The following TENM4 variants were observed in gnomAD, a reference collection of about 807,000 sequenced individuals.
TENM4 encodes the protein teneurin transmembrane protein 4.
Under a neutral mutation model 243.3 loss-of-function variants are expected in TENM4, and 82 were observed. The observed-to-expected ratio is 0.34, with a 90% CI of 0.28 to 0.40. The LOEUF is 0.40. Ranked by LOEUF, TENM4 falls within the 10% of genes least tolerant of loss-of-function variation. The probability of loss-of-function intolerance (pLI) is 1.00; values close to 1 mark genes in which losing one functional copy is unlikely to be tolerated. For synonymous variants in TENM4, 1,412 were observed against 1,456.3 expected, an observed-to-expected ratio of 0.97 and a Z score of 0.69; for missense variants, 3,138 against 3,673.3, an observed-to-expected ratio of 0.85 and a Z score of 3.77.
At chr11:79,324,176 T>C (rs1313557401) in intron 1 of TENM4, among the ~76,000 whole-genome samples, 1 of 152,214 alleles carries the variant, frequency 6.6e-6, no homozygotes, top group Admixed American at 6.5e-5. Flanking sequence ...TTACTCATTA[T>C]TTTTATTGTT....
chr11:79,018,212 T>G (rs947200107), intron 6 of TENM4, among the ~76,000 whole-genome samples: 2 of 152,216 alleles, frequency 1.3e-5, no homozygotes, highest in Admixed American at 6.5e-5. Context: ...TGGCCCAGGA[T>G]GATACTGGTT....
intron 4 of TENM4, among the ~76,000 whole-genome samples, chr11:79,110,177 A>G (rs1421417105): frequency 6.6e-6 from 1 of 152,080 alleles, no homozygotes; most frequent in Non-Finnish European, 1.5e-5. Flanking sequence ...CATAACACAG[A>G]CTGCCGCCCA....
rs757506241 is a variant in TENM4, at chr11:78,732,507, C to T, written c.2947G>A (p.Glu983Lys). Residue 983 changes from glutamate to lysine, a missense_variant, in exon 21 of 34, where the codon GAG (glutamate) becomes AAG (lysine). Physicochemically the swap from Glu to Lys is moderately conservative, Grantham distance 56. Transcript: ENST00000278550. ...RFERAPFITQ[E>K]HTLWLPWDRF... ...TCCCATGGCAGCCACAGGGTGTGCT[C>T]CTGTGTGATGAAAGGTGCCCGCTCG... The T allele has an allele frequency of 1.2e-6, 2 of 1,613,556 alleles. No individual in the cohort carries two copies. Among genetic ancestry groups the T allele is most frequent in the South Asian group, 1.1e-5 (1 of 90,984 alleles).
At chr11:79,237,164 A>C (rs576878499) in intron 2 of TENM4, among the ~76,000 whole-genome samples, 1 of 151,638 alleles carries the variant, frequency 6.6e-6, no homozygotes, top group Non-Finnish European at 1.5e-5. Context: ...CCAAAACTGT[A>C]AGCTCCTTAA....
At chr11:79,369,748 C>T (rs886370662) in intron 1 of TENM4, among the ~76,000 whole-genome samples, 22 of 152,178 alleles carry the variant, frequency 1.4e-4, no homozygotes, top group African/African-American at 5.1e-4. Flanking sequence ...GACCTTAGCC[C>T]ATATCCTTCC....
intron 30 of TENM4, among the ~76,000 whole-genome samples, chr11:78,673,427 G>A (rs1006856681): frequency 8.5e-5 from 13 of 152,180 alleles, no homozygotes; most frequent in Admixed American, 7.9e-4. Context: ...GACCCAAGAG[G>A]AAAGCAGATA....
chr11:78,874,103 T>C (rs1859204867), intron 9 of TENM4, among the ~76,000 whole-genome samples: 1 of 152,122 alleles, frequency 6.6e-6, no homozygotes, highest in Non-Finnish European at 1.5e-5. Context: ...CTGTGCTTCC[T>C]GTCCCTTGCT....
chr11:78,996,882 C>T (rs1377410048), intron 6 of TENM4, among the ~76,000 whole-genome samples: 2 of 152,136 alleles, frequency 1.3e-5, no homozygotes, highest in Admixed American at 6.6e-5. Flanking sequence ...GGGCATGGTT[C>T]CACCTTCCCA....
chr11:78,694,030 T>C (rs1858894995), intron 28 of TENM4, among the ~76,000 whole-genome samples: 1 of 152,096 alleles, frequency 6.6e-6, no homozygotes, highest in South Asian at 2.1e-4. Flanking sequence ...AAATGATTCA[T>C]ATAGTTGCTG....
At position 78,746,479 on chromosome 11, in the gene TENM4, G is replaced by A. The variant is rs771315672; in HGVS notation, c.2757-7909C>T. Reference sequence around the variant, plus strand: ...ATCTGTCAAGGCTGTGGGCAGCCTGGCTGCTCAATGCTGATGCTTCAGGCT... The same window carrying A: ...ATCTGTCAAGGCTGTGGGCAGCCTGACTGCTCAATGCTGATGCTTCAGGCT... On this transcript the variant is annotated intron_variant, in intron 19 of 33. Coordinates refer to ENST00000278550, the MANE Select transcript of TENM4 (RefSeq NM_001098816.3). Among the ~76,000 whole-genome samples, 50 of 152,268 alleles carry A rather than the reference G, an allele frequency of 3.3e-4. 1 individual carries two copies. The highest frequency in any genetic ancestry group is 5.9e-5 in the Non-Finnish European group (4 of 68,042).
intron 18 of TENM4, among the ~76,000 whole-genome samples, chr11:78,761,263 G>A (rs890675562): frequency 4.0e-5 from 6 of 149,676 alleles, no homozygotes; most frequent in Admixed American, 6.7e-5. Flanking sequence ...TTTTTGAGAC[G>A]TTGTCTCGCT....
chr11:79,289,965 C>CT (rs57943178), intron 2 of TENM4, among the ~76,000 whole-genome samples: 24,046 of 150,252 alleles, frequency 0.16, 2,320 homozygotes, highest in African/African-American at 0.27. Context: ...TTTTCTTTTT[C>CT]TTTTTTTTTA....
intron 26 of TENM4, among the ~76,000 whole-genome samples, chr11:78,709,188 C>A (rs190634591): frequency 1.7e-3 from 254 of 146,214 alleles, no homozygotes; most frequent in African/African-American, 6.1e-3. Flanking sequence ...TGGTCTTGAA[C>A]TACTGACCTC....
intron 1 of TENM4, among the ~76,000 whole-genome samples, chr11:79,371,190 C>T (rs1364973916): frequency 6.6e-6 from 1 of 152,202 alleles, no homozygotes; most frequent in Non-Finnish European, 1.5e-5. Flanking sequence ...CAGGTGGCTT[C>T]ATGTCAGTGT....
At chr11:79,136,020 T>G (rs1232068221) in intron 4 of TENM4, among the ~76,000 whole-genome samples, 1 of 151,586 alleles carries the variant, frequency 6.6e-6, no homozygotes, top group East Asian at 1.9e-4. Context: ...ATACAATGGA[T>G]TTTGGGAACT....
chr11:79,431,615 C>T (rs2135612084), intron 1 of TENM4, among the ~76,000 whole-genome samples: 1 of 152,332 alleles, frequency 6.6e-6, no homozygotes, highest in Middle Eastern at 3.4e-3. Context: ...CAGGATCCAA[C>T]ACTGCCTTAA....
intron 19 of TENM4, among the ~76,000 whole-genome samples, chr11:78,754,923 T>C (rs1039724841): frequency 3.9e-5 from 6 of 152,208 alleles, no homozygotes; most frequent in African/African-American, 1.2e-4. Flanking sequence ...TCATCTCACC[T>C]TTCTCATCTC....
chr11:79,286,536 G>T (rs1473192978), intron 2 of TENM4, among the ~76,000 whole-genome samples: 1 of 151,784 alleles, frequency 6.6e-6, no homozygotes, highest in Non-Finnish European at 1.5e-5. Flanking sequence ...GGGTGTGGTG[G>T]TGGACACCTG....
chr11:78,956,959 T>G (rs1271997189), intron 6 of TENM4, among the ~76,000 whole-genome samples: 1 of 152,218 alleles, frequency 6.6e-6, no homozygotes, highest in East Asian at 1.9e-4. Context: ...AAGGGTTTCA[T>G]TTAAGGAATT....
Sources: gnomAD v4.1 joint callset for allele counts (sites outside exome capture counted in the v4.1 genomes callset) on GRCh38, gnomAD v4.1.1 for gene constraint, MANE v1.5 for transcripts, NCBI Gene and HGNC (gene_info 2026-07-23, HGNC 2026-07-21) for gene names.